Variants in PLS3 observed in about 807,000 individuals in gnomAD.
The protein encoded by PLS3 is plastin-3.
Under a neutral mutation model 46.5 loss-of-function variants are expected in PLS3, and 11 were observed. The observed-to-expected ratio is 0.24, with a 90% CI of 0.15 to 0.39. The LOEUF (loss-of-function observed/expected upper bound fraction) is 0.39. Among genes scored for constraint, PLS3 ranks in the 10% least tolerant of loss-of-function variants. PLS3 has a pLI of 1.00. For synonymous variants in PLS3, 167 were observed against 162.2 expected (o/e 1.03, Z -0.22); for missense variants, 308 against 461.8 (o/e 0.67, Z 3.05).
intron 7 of PLS3, among the ~76,000 whole-genome samples, chrX:115,636,139 CTACTT>C (rs1556640190): frequency 1.8e-5 from 2 of 110,994 alleles, no homozygotes; most frequent in African/African-American, 6.5e-5. Flanking sequence ...TGTTTCTAGA[CTACTT>C]TAATCAAAAG....
rs1556641269 is a variant in PLS3 at position 115,643,404 on chromosome X, G to A, written c.1079G>A (p.Ser360Asn). Residue 360 changes from serine (S) to asparagine (N), a missense_variant, in exon 10 of 16, where the codon AGT becomes AAT. Physicochemically the swap from Ser to Asn is conservative, Grantham distance 46. This residue lies in a region of PLS3 where 271 missense variants were observed against 435.7 expected (regional missense o/e 0.62). Transcript: ENST00000355899. ...TTTGTTACCCCTGCTGATGTTGTCA[G>A]TGGAAACCCCAAACTCAACTTAGCT... ...RQFVTPADVV[S>N]GNPKLNLAFV... 8.4e-7 allele frequency: 1 copy of A among 1,194,759 alleles called. No homozygotes were observed. The highest frequency in any genetic ancestry group is 2.2e-5 in the Admixed American group (1 of 45,925).
chrX:115,589,689 A>T, intron 1 of PLS3, among the ~76,000 whole-genome samples: 1 of 112,360 alleles, frequency 8.9e-6, no homozygotes, highest in Middle Eastern at 4.6e-3. Flanking sequence ...GGTGGAGAGC[A>T]TGACGTCTGG....
chrX:115,593,024 T>C (rs1185928156), intron 1 of PLS3, among the ~76,000 whole-genome samples: 1 of 111,919 alleles, frequency 8.9e-6, no homozygotes, highest in South Asian at 3.7e-4. Flanking sequence ...GAGCTTACAT[T>C]TTTGACATAA....
intron 1 of PLS3, among the ~76,000 whole-genome samples, chrX:115,602,950 T>G (rs1475311820): frequency 9.0e-6 from 1 of 111,197 alleles, no homozygotes; most frequent in Non-Finnish European, 1.9e-5. Flanking sequence ...CTGGACCTCA[T>G]GGTACTGAAT....
intron 1 of PLS3, among the ~76,000 whole-genome samples, chrX:115,589,273 G>C (rs1484811059): frequency 9.0e-6 from 1 of 111,380 alleles, no homozygotes. Flanking sequence ...CGCCTGGCCA[G>C]AATATTGAAA....
At chrX:115,564,640 C>G (rs895773014) in intron 1 of PLS3, among the ~76,000 whole-genome samples, 1 of 112,324 alleles carries the variant, frequency 8.9e-6, no homozygotes, top group Non-Finnish European at 1.9e-5. Context: ...GGCATTATTT[C>G]TACTTGGATT....
At chrX:115,631,005 A>T (rs1282251179) in intron 5 of PLS3, among the ~76,000 whole-genome samples, 1 of 98,157 alleles carries the variant, frequency 1.0e-5, no homozygotes, top group African/African-American at 3.8e-5. Context: ...ATACGTATAT[A>T]AAGTATATAT....
chrX:115,638,407 C>T (rs1264700818), intron 8 of PLS3, among the ~76,000 whole-genome samples: 1 of 111,355 alleles, frequency 9.0e-6, no homozygotes, highest in Non-Finnish European at 1.9e-5. Context: ...CTGTGCCCGG[C>T]CTGATTTTTT....
At chrX:115,624,227 C>CAAAAAA (rs1211607990) in intron 3 of PLS3, 1 of 12,634 alleles carries the variant, frequency 7.9e-5, no homozygotes, top group African/African-American at 2.2e-4. Flanking sequence ...GACTCCGTCT[C>CAAAAAA]AAAAAAAAAA....
intron 1 of PLS3, among the ~76,000 whole-genome samples, chrX:115,576,828 T>G (rs781848772): frequency 8.9e-6 from 1 of 112,504 alleles, no homozygotes; most frequent in African/African-American, 3.2e-5. Flanking sequence ...TAGAACTTCC[T>G]GCGTATTTAA....
chrX:115,574,828 C>T (rs1039365734), intron 1 of PLS3, among the ~76,000 whole-genome samples: 5 of 112,455 alleles, frequency 4.4e-5, no homozygotes, highest in African/African-American at 1.6e-4. Flanking sequence ...ATCCGCCCAC[C>T]TCGGCTTCCC....
chrX:115,646,617 T>C lies in PLS3; in HGVS notation c.1511+82T>C, dbSNP rs2301951. The C allele has an allele frequency of 0.064, 54,243 of 847,827 alleles. 4,580 individuals carry two copies. Among genetic ancestry groups the C allele is most frequent in the African/African-American group, 0.46 (22,580 of 49,149 alleles). 69.9% of individuals were successfully genotyped at this position (847,827 alleles called of 1,213,427 possible). A position where few individuals can be genotyped will look rare whatever the true frequency, so the allele number is the denominator to read the frequency against. ...GTCCTTACTGTGTTTAATAAGTGGATATGTCGATAACTACACTTTTGAAAT... is the reference window on the plus strand; with the variant it reads ...GTCCTTACTGTGTTTAATAAGTGGACATGTCGATAACTACACTTTTGAAAT... On this transcript the variant is annotated intron_variant, in intron 13 of 15. Coordinates refer to ENST00000355899, the MANE Select transcript of PLS3 (RefSeq NM_005032.7).
chrX:115,647,801 T>C, intron 14 of PLS3, 92 bp from the exon 15 acceptor site: 1 of 1,152,161 alleles, frequency 8.7e-7, no homozygotes, highest in Admixed American at 2.4e-5. Flanking sequence ...CTTTACGAAT[T>C]CACTGGGCTT....
At chrX:115,599,480 C>T (rs1204806972) in intron 1 of PLS3, among the ~76,000 whole-genome samples, 3 of 97,720 alleles carry the variant, frequency 3.1e-5, no homozygotes, top group Non-Finnish European at 6.1e-5. Context: ...GTGATCATGC[C>T]ACTGCACTGC....
chrX:115,621,963 A>G (rs2074660119), intron 2 of PLS3: 1 of 226,596 alleles, frequency 4.4e-6, no homozygotes. Flanking sequence ...ATTAGCGCCA[A>G]GTTAATAATA....
In PLS3 at chrX:115,592,886, C is replaced by T. The variant is rs185198200; in HGVS notation, c.-8-17357C>T. ...TGTGGAGCCAGAATTTGAACCCAAT[C>T]TGGCTCCAGACCTCTTTACTACAGC... On this transcript the variant is annotated intron_variant, in intron 1 of 15. Transcript: ENST00000355899. Among the ~76,000 whole-genome samples the T allele has an allele frequency of 1.1e-3, 118 of 111,255 alleles. No individual in the cohort carries two copies. The East Asian group carries it at 0.03, about 29-fold the overall frequency.
chrX:115,636,529 T>C (rs2074838293), intron 7 of PLS3, among the ~76,000 whole-genome samples: 1 of 112,014 alleles, frequency 8.9e-6, no homozygotes, highest in African/African-American at 3.2e-5. Flanking sequence ...TTTAGAAGTG[T>C]TAAATAAGAA....
At chrX:115,629,512 C>G (rs1036543918) in intron 4 of PLS3, among the ~76,000 whole-genome samples, 185 bp downstream of exon 4, 1 of 111,775 alleles carries the variant, frequency 8.9e-6, no homozygotes, top group Non-Finnish European at 1.9e-5. Context: ...TATTGTATGG[C>G]TTTGTTAGCT....
intron 1 of PLS3, among the ~76,000 whole-genome samples, chrX:115,602,258 G>T (rs996190824): frequency 2.7e-5 from 3 of 111,827 alleles, no homozygotes; most frequent in Non-Finnish European, 5.6e-5. Context: ...GATCCTAATT[G>T]TCTCTTATCT....
Sources: gnomAD v4.1 joint callset for allele counts (sites outside exome capture counted in the v4.1 genomes callset) on GRCh38, gnomAD v4.1.1 for gene constraint, gnomAD v4.1.1 regional missense constraint, MANE v1.5 for transcripts, NCBI Gene and HGNC (gene_info 2026-07-23, HGNC 2026-07-21) for gene names.